Variants in COL10A1 observed in about 807,000 individuals in gnomAD.
COL10A1 encodes the protein collagen alpha-1(X) chain.
In COL10A1, 10 loss-of-function variants were observed where a neutral mutation model predicts 18.2. The observed-to-expected ratio is 0.55, with a 90% CI of 0.34 to 0.93. COL10A1 has a LOEUF of 0.93. COL10A1 is among the 40% of genes least tolerant of loss of function. The pLI, the probability that COL10A1 is intolerant of heterozygous loss-of-function variation, is 0.02. For missense variants in COL10A1, 897 were observed against 853.5 expected, an observed-to-expected ratio of 1.05 and a Z score of -0.64; for synonymous variants, 330 against 316.6, an observed-to-expected ratio of 1.04 and a Z score of -0.45.
At chr6:116,138,940 G>T (rs1285270235) in intron 1 of COL10A1, among the ~76,000 whole-genome samples, 2 of 152,114 alleles carry the variant, frequency 1.3e-5, no homozygotes, top group East Asian at 3.9e-4. Context: ...GTTTATAATT[G>T]CATTATTAGT....
At chr6:116,158,206 GT>G (rs1780246251) in intron 1 of COL10A1, among the ~76,000 whole-genome samples, 1 of 152,016 alleles carries the variant, frequency 6.6e-6, no homozygotes, top group Non-Finnish European at 1.5e-5. Context: ...GTTGGGAGAT[GT>G]TTAGTATTAC....
At chr6:116,171,756 G>A in the COL10A1 span, among the ~76,000 whole-genome samples, 1 of 152,174 alleles carries the variant, frequency 6.6e-6, no homozygotes, top group Non-Finnish European at 1.5e-5. Flanking sequence ...TAAGAACAGT[G>A]GAGCTGTGTT....
the COL10A1 span, among the ~76,000 whole-genome samples, chr6:116,197,758 A>C: frequency 1.3e-5 from 2 of 152,086 alleles, no homozygotes; most frequent in African/African-American, 4.8e-5. Flanking sequence ...CAGTGAGATA[A>C]TGTATAAAGA....
At chr6:116,148,163 A>T (rs912971465) in intron 1 of COL10A1, among the ~76,000 whole-genome samples, 32 of 152,140 alleles carry the variant, frequency 2.1e-4, no homozygotes, top group African/African-American at 7.7e-4. Flanking sequence ...TTGTATAAGG[A>T]TAGACAAACT....
At position 116,121,331 on chromosome 6, in the gene COL10A1, C is replaced by T. The variant is rs1389563894; in HGVS notation, c.785G>A (p.Gly262Asp). The T allele has an allele frequency of 1.6e-5, 26 of 1,613,916 alleles. No individual in the cohort carries two copies. Among genetic ancestry groups the T allele is most frequent in the Non-Finnish European group, 2.2e-5 (26 of 1,179,968 alleles). ...QGPPGERGPE[G>D]IGKPGAAGAP... ...TCCAGCAGCTCCTGGCTTTCCAATG[C>T]CTTCTGGCCCTCGTTCCCCAGGAGG... Residue 262 changes from glycine (G) to aspartate (D), a missense_variant, in exon 3 of 3, where the codon GGC becomes GAC. Coordinates refer to ENST00000651968, the MANE Select transcript of COL10A1 (RefSeq NM_000493.4).
rs769122278 is a variant in COL10A1, at chr6:116,120,665, C to T, written c.1451G>A (p.Gly484Asp). The T allele has an allele frequency of 5.8e-6, 9 of 1,545,664 alleles. No homozygotes were observed. The highest frequency in any genetic ancestry group is 2.8e-5 in the African/African-American group (2 of 72,138). ...PPGPAGIATKGLNGPTGPPGP... is the reference protein window; with the variant it reads ...PPGPAGIATKDLNGPTGPPGP... ...TGGTGGCCCGGTGGGTCCATTGAGG[C>T]CCTTAGTTGCTATGCCAGCTGGGCC... Residue 484 changes from glycine (G) to aspartate (D), a missense_variant, in exon 3 of 3, where the codon GGC becomes GAC. Transcript: ENST00000651968.
Position 116,121,288 on chromosome 6 carries a change from C to A in COL10A1, c.828G>T (p.Gly276=), listed in dbSNP as rs1779114905. Residue 276 remains glycine, a synonymous_variant, in exon 3 of 3, where the codon GGG becomes GGT. Coordinates refer to ENST00000651968, the MANE Select transcript of COL10A1 (RefSeq NM_000493.4). ...CAGGGAGACCTTTTGTTCCTGGAAT[C>A]CCTGGCTGGCCTGGGGCTCCAGCAG... ...PGAAGAPGQP[G]IPGTKGLPGA... 1 of 1,614,048 alleles carries A rather than the reference C, an allele frequency of 6.2e-7. No individual in the cohort carries two copies. Among genetic ancestry groups the A allele is most frequent in the East Asian group, 2.2e-5 (1 of 44,852 alleles).
At chr6:116,207,720 A>G in the COL10A1 span, among the ~76,000 whole-genome samples, 1 of 151,872 alleles carries the variant, frequency 6.6e-6, no homozygotes, top group Non-Finnish European at 1.5e-5. Context: ...TATTCTGGGA[A>G]CCCAGCCATT....
chr6:116,181,831 A>G, the COL10A1 span, among the ~76,000 whole-genome samples: 1 of 152,196 alleles, frequency 6.6e-6, no homozygotes, highest in Admixed American at 6.6e-5. Flanking sequence ...CTTCAAATTA[A>G]TTATATAAAT....
the COL10A1 span, among the ~76,000 whole-genome samples, chr6:116,195,622 G>T: frequency 9.9e-5 from 15 of 151,878 alleles, no homozygotes; most frequent in Non-Finnish European, 2.2e-4. Flanking sequence ...CATAATCAGG[G>T]GTTAGAAAGA....
chr6:116,139,274 G>A (rs1779704333), intron 1 of COL10A1, among the ~76,000 whole-genome samples: 1 of 152,048 alleles, frequency 6.6e-6, no homozygotes, highest in Admixed American at 6.5e-5. Context: ...CAATTTGTGG[G>A]TAATTAACTT....
the COL10A1 span, among the ~76,000 whole-genome samples, chr6:116,212,535 GAT>G: frequency 1.3e-5 from 2 of 152,062 alleles, no homozygotes; most frequent in Admixed American, 1.3e-4. Flanking sequence ...AGTAAGAAAA[GAT>G]ATTTCTGAAG....
chr6:116,200,216 T>C, the COL10A1 span, among the ~76,000 whole-genome samples: 3 of 151,954 alleles, frequency 2.0e-5, no homozygotes, highest in Admixed American at 1.3e-4. Context: ...ACAAAATATC[T>C]AACTAGTACT....
the COL10A1 span, among the ~76,000 whole-genome samples, chr6:116,211,535 G>C: frequency 1.3e-5 from 2 of 151,720 alleles, no homozygotes; most frequent in Non-Finnish European, 2.9e-5. Context: ...TTGTATATTT[G>C]GTTATTCTTA....
the COL10A1 span, among the ~76,000 whole-genome samples, chr6:116,165,868 A>G: frequency 6.6e-6 from 1 of 152,324 alleles, no homozygotes; most frequent in East Asian, 1.9e-4. Flanking sequence ...GATTGCAACA[A>G]CTTGGGCTGA....
At chr6:116,126,411 A>G (rs485599), upstream of COL10A1, among the ~76,000 whole-genome samples, 10,516 of 152,182 alleles carry the variant, frequency 0.069, 501 homozygotes, top group African/African-American at 0.12. Context: ...AGGCTGGTTC[A>G]CGGTGGAATG....
the COL10A1 span, among the ~76,000 whole-genome samples, chr6:116,166,959 T>A: frequency 6.6e-6 from 1 of 152,184 alleles, no homozygotes; most frequent in Non-Finnish European, 1.5e-5. Context: ...TTGTCTTTAT[T>A]AATTGTTTTG....
intron 1 of COL10A1, among the ~76,000 whole-genome samples, chr6:116,143,045 T>C (rs557833311): frequency 7.9e-5 from 12 of 152,316 alleles, no homozygotes; most frequent in Middle Eastern, 3.4e-3. Context: ...GTCCTTTTGC[T>C]CTTACTAGGA....
intron 2 of COL10A1, 116 bp downstream of exon 2, chr6:116,125,223 A>G (rs1779259576): frequency 1.7e-6 from 2 of 1,153,286 alleles, no homozygotes; most frequent in Non-Finnish European, 2.5e-6. Context: ...AATTTGGGCT[A>G]ATTCAGAAGT....
Sources: gnomAD v4.1 joint callset for allele counts (sites outside exome capture counted in the v4.1 genomes callset) on GRCh38, gnomAD v4.1.1 for gene constraint, MANE v1.5 for transcripts, NCBI Gene and HGNC (gene_info 2026-07-23, HGNC 2026-07-21) for gene names.